CRACR2A: variants seen among roughly 807,000 people sequenced by gnomAD.
CRACR2A encodes EF-hand calcium-binding domain-containing protein 4B.
In CRACR2A, 79 loss-of-function variants were observed where a neutral mutation model predicts 90.5. The observed-to-expected ratio is 0.87, with a 90% CI of 0.73 to 1.05. CRACR2A has a LOEUF of 1.05. Among genes scored for constraint, CRACR2A ranks in the 50% least tolerant of loss-of-function variants. The pLI, the probability that CRACR2A is intolerant of heterozygous loss-of-function variation, is 0.00. For synonymous variants in CRACR2A, 338 were observed against 356.7 expected (o/e 0.95, Z 0.59); for missense variants, 823 against 897.2 (o/e 0.92, Z 1.06).
chr12:3,721,048 G>A (rs775428772), intron 2 of CRACR2A, among the ~76,000 whole-genome samples: 1 of 152,174 alleles, frequency 6.6e-6, no homozygotes, highest in Non-Finnish European at 1.5e-5. Flanking sequence ...GTGGTTGACT[G>A]GCCAGCACTT....
intron 12 of CRACR2A, among the ~76,000 whole-genome samples, chr12:3,643,360 A>G (rs1226276376): frequency 6.6e-6 from 1 of 152,196 alleles, no homozygotes; most frequent in Non-Finnish European, 1.5e-5. Flanking sequence ...TGCAATCCAC[A>G]TCATCCCCTT....
chr12:3,643,825 T>TA, intron 12 of CRACR2A, among the ~76,000 whole-genome samples: 1 of 108,442 alleles, frequency 9.2e-6, no homozygotes. Context: ...ATTTATATTA[T>TA]ATATAAATAT....
At chr12:3,669,149 C>T (rs758678908) in intron 7 of CRACR2A, among the ~76,000 whole-genome samples, 1 of 152,198 alleles carries the variant, frequency 6.6e-6, no homozygotes, top group African/African-American at 2.4e-5. Context: ...TGCCCCCATA[C>T]ATTACAAATA....
intron 1 of CRACR2A, among the ~76,000 whole-genome samples, chr12:3,745,008 C>G (rs1946588732): frequency 6.6e-6 from 1 of 152,082 alleles, no homozygotes; most frequent in Non-Finnish European, 1.5e-5. Context: ...AACCCTAAAC[C>G]TCAACTCTCT....
intron 2 of CRACR2A, among the ~76,000 whole-genome samples, chr12:3,714,633 G>A (rs1182949520): frequency 6.6e-6 from 1 of 152,200 alleles, no homozygotes; most frequent in Non-Finnish European, 1.5e-5. Flanking sequence ...GTAACCTTAA[G>A]AGATGATTTT....
At chr12:3,628,782 A>G (rs1321796059) in intron 15 of CRACR2A, among the ~76,000 whole-genome samples, 1 of 152,228 alleles carries the variant, frequency 6.6e-6, no homozygotes, top group Non-Finnish European at 1.5e-5. Context: ...GCTCAGGAAG[A>G]CAAACAGCAA....
At chr12:3,714,844 T>G (rs1946059386) in intron 2 of CRACR2A, among the ~76,000 whole-genome samples, 1 of 152,324 alleles carries the variant, frequency 6.6e-6, no homozygotes, top group Admixed American at 6.5e-5. Flanking sequence ...CAAAGCAATT[T>G]CACAAAAACA....
chr12:3,719,753 C>G (rs183810101), intron 2 of CRACR2A, among the ~76,000 whole-genome samples: 13 of 152,286 alleles, frequency 8.5e-5, no homozygotes, highest in Non-Finnish European at 1.2e-4. Context: ...TGTGAATGGA[C>G]TTATCTCTCT....
intron 12 of CRACR2A, among the ~76,000 whole-genome samples, chr12:3,642,350 A>G (rs1944589463): frequency 6.6e-6 from 1 of 152,058 alleles, no homozygotes; most frequent in South Asian, 2.1e-4. Flanking sequence ...CTGGGTAGCT[A>G]GGATTATAGG....
intron 2 of CRACR2A, chr12:3,730,882 G>A (rs4766166): frequency 0.54 from 82,245 of 151,874 alleles, 23,335 homozygotes; most frequent in East Asian, 0.74. Flanking sequence ...AGATTTCGCC[G>A]AATACCTTTC....
rs1036029232 is a variant in CRACR2A at position 3,619,319 on chromosome 12, G to A, written c.1986C>T (p.Asn662=). ...PVLLLGNKLD[N]EKEREVPRGL... ...CCCGGGGGACTTCCCGCTCCTTCTC[G>A]TTGTCAAGCTTATTACCCAGCAGAA... The change falls in exon 18 of 20, where the codon AAC becomes AAT. Residue 662 remains asparagine (N), a synonymous_variant. Transcript: ENST00000440314. 25 of 1,551,530 alleles carry A rather than the reference G, an allele frequency of 1.6e-5. No individual in the cohort carries two copies. Among genetic ancestry groups the A allele is most frequent in the Middle Eastern group, 1.7e-4 (1 of 6,014 alleles).
In CRACR2A at chr12:3,711,224, G is replaced by A. The variant is rs147176418; in HGVS notation, c.-37+2013C>T. On this transcript the variant is annotated intron_variant, in intron 3 of 19. Coordinates refer to ENST00000440314, the MANE Select transcript of CRACR2A (RefSeq NM_001144958.2). This position sits in a 1 kb window ranked among gnomAD's most constrained non-coding sequence, Gnocchi z 4.3. Reference sequence around the variant, plus strand: ...TTCCAAAAACAATGATGGGACAGGGGCACGACAGATGTTCCATCTCTAAAG... The same window carrying A: ...TTCCAAAAACAATGATGGGACAGGGACACGACAGATGTTCCATCTCTAAAG... Among the ~76,000 whole-genome samples, 223 of 152,300 alleles carry A rather than the reference G, an allele frequency of 1.5e-3. 2 individuals carry two copies. The highest frequency in any genetic ancestry group is 1.4e-3 in the Admixed American group (21 of 15,308).
intron 3 of CRACR2A, among the ~76,000 whole-genome samples, chr12:3,705,358 G>C (rs1238205172): frequency 6.6e-6 from 1 of 152,180 alleles, no homozygotes; most frequent in Non-Finnish European, 1.5e-5. Context: ...GCTACAATCA[G>C]AAAGTTCGTA....
intron 17 of CRACR2A, 132 bp from the exon 18 acceptor site, chr12:3,619,504 C>T: frequency 1.5e-6 from 1 of 687,158 alleles, no homozygotes; most frequent in Non-Finnish European, 2.5e-6. Context: ...GAGGCCGTAA[C>T]AGAGTCATCC....
intron 4 of CRACR2A, among the ~76,000 whole-genome samples, chr12:3,686,983 T>A (rs531691450): frequency 1.3e-5 from 2 of 152,094 alleles, no homozygotes; most frequent in Admixed American, 1.3e-4. Flanking sequence ...GGGACCCTGA[T>A]TAAAAACAGC....
intron 7 of CRACR2A, among the ~76,000 whole-genome samples, chr12:3,669,523 T>C (rs2137556609): frequency 1.4e-5 from 2 of 143,838 alleles, no homozygotes; most frequent in Middle Eastern, 4.1e-3. Flanking sequence ...CCGAAATTTC[T>C]TCAACCTCTG....
At chr12:3,664,145 T>C (rs549910027) in intron 7 of CRACR2A, among the ~76,000 whole-genome samples, 6 of 152,370 alleles carry the variant, frequency 3.9e-5, no homozygotes, top group African/African-American at 1.4e-4. Flanking sequence ...CTGAGAGTTA[T>C]TTAAAAGACA....
At chr12:3,743,314 C>T (rs1311899907) in intron 1 of CRACR2A, among the ~76,000 whole-genome samples, 1 of 152,230 alleles carries the variant, frequency 6.6e-6, no homozygotes, top group Non-Finnish European at 1.5e-5. Flanking sequence ...ACTAAAACTG[C>T]ATTCCTTAAA....
Position 3,633,570 on chromosome 12 carries a change from G to A in CRACR2A, c.1735+34C>T. On this transcript the variant is annotated intron_variant, in intron 15 of 19. Coordinates refer to ENST00000440314, the MANE Select transcript of CRACR2A (RefSeq NM_001144958.2). This position sits in a 1 kb window ranked among gnomAD's most constrained non-coding sequence, Gnocchi z 4.5. ...TCTCACAAACTCCCTTCCCAAAGATGGGCCTAGGACCCACCTCAGGGATGA... is the reference window on the plus strand; with the variant it reads ...TCTCACAAACTCCCTTCCCAAAGATAGGCCTAGGACCCACCTCAGGGATGA... 1 of 1,550,022 alleles carries A rather than the reference G, an allele frequency of 6.5e-7. No individual in the cohort carries two copies. Among genetic ancestry groups the A allele is most frequent in the South Asian group, 1.2e-5 (1 of 83,986 alleles).
Sources: allele counts gnomAD v4.1 joint callset (sites outside exome capture counted in the v4.1 genomes callset), GRCh38; gene constraint gnomAD v4.1.1; non-coding constraint Gnocchi (gnomAD v3.1); transcripts MANE v1.5; gene names NCBI Gene and HGNC (gene_info 2026-07-23, HGNC 2026-07-21).